Variants in CDH23 observed in about 807,000 individuals in gnomAD.
CDH23 encodes cadherin-23.
In CDH23, 189 loss-of-function variants were observed where a neutral mutation model predicts 317.1. That is an observed-to-expected ratio of 0.60 (90% confidence interval 0.53 to 0.67). The LOEUF is 0.67. Ranked by LOEUF, CDH23 falls within the 30% of genes least tolerant of loss-of-function variation. The pLI is 0.00. For synonymous variants in CDH23, 1,839 were observed against 1,876.8 expected (o/e 0.98, Z 0.52); for missense variants, 4,401 against 4,592.4 (o/e 0.96, Z 1.20).
chr10:71,694,390 G>T, intron 21 of CDH23, 131 bp downstream of exon 21: 1 of 693,994 alleles, frequency 1.4e-6, no homozygotes, highest in Non-Finnish European at 2.4e-6. Flanking sequence ...GGGCGAAAAT[G>T]AACCCATCAG....
At chr10:71,728,156 G>A (rs1200478891) in intron 30 of CDH23, among the ~76,000 whole-genome samples, 1 of 152,080 alleles carries the variant, frequency 6.6e-6, no homozygotes, top group Admixed American at 6.6e-5. Context: ...TCTGTTTACC[G>A]AAAAAGAGTT....
chr10:71,447,533 C>T (rs896033648), intron 3 of CDH23, among the ~76,000 whole-genome samples: 7 of 152,078 alleles, frequency 4.6e-5, no homozygotes, highest in African/African-American at 1.7e-4. Flanking sequence ...CCCCACGGCC[C>T]AGTAGCACTT....
At chr10:71,735,788 G>T (rs568883379) in intron 34 of CDH23, among the ~76,000 whole-genome samples, 6 of 152,334 alleles carry the variant, frequency 3.9e-5, no homozygotes, top group African/African-American at 1.4e-4. Context: ...CCCTCCATCC[G>T]TGGGGCCAGC....
intron 3 of CDH23, among the ~76,000 whole-genome samples, chr10:71,467,247 G>A (rs971967645): frequency 2.0e-5 from 3 of 152,144 alleles, no homozygotes; most frequent in Non-Finnish European, 2.9e-5. Context: ...AGACATAAAC[G>A]TGTGAACTTG....
intron 48 of CDH23, 35 bp downstream of exon 48, chr10:71,793,675 A>T (rs1225985468): frequency 1.4e-6 from 2 of 1,458,460 alleles, no homozygotes; most frequent in Non-Finnish European, 1.9e-6. Context: ...CCTCCCTCCC[A>T]GCTCCCAGTC....
At chr10:71,553,366 A>G (rs1856705126) in intron 6 of CDH23, among the ~76,000 whole-genome samples, 1 of 151,786 alleles carries the variant, frequency 6.6e-6, no homozygotes, top group African/African-American at 2.4e-5. Flanking sequence ...AACCTTCCCC[A>G]GCTCTGTCTG....
chr10:71,811,341 A>C lies in CDH23; in HGVS notation c.9104A>C (p.Lys3035Thr). Residue 3035 changes from lysine (K) to threonine (T), a missense_variant, in exon 63 of 70, where the codon AAG (lysine) becomes ACG (threonine). Coordinates refer to ENST00000224721, the MANE Select transcript of CDH23 (RefSeq NM_022124.6). ...GTGATCCAGATGATCGATGAGAACA[A>C]GGAGCAGCTACGGAATCTTTTCCGG... Reference protein sequence around the residue: ...DRVIQMIDENKEQLRNLFRNY... With the variant: ...DRVIQMIDENTEQLRNLFRNY... 1.2e-6 allele frequency: 2 copies of C among 1,613,894 alleles called. No homozygotes were observed. Among genetic ancestry groups the C allele is most frequent in the Non-Finnish European group, 1.7e-6 (2 of 1,179,868 alleles).
intron 1 of CDH23, among the ~76,000 whole-genome samples, chr10:71,420,461 A>G (rs1848722095): frequency 8.0e-6 from 1 of 125,338 alleles, no homozygotes; most frequent in Non-Finnish European, 1.7e-5. Flanking sequence ...GGTGATGATA[A>G]TGATGATGGT....
At chr10:71,454,170 C>T (rs1055198316) in intron 3 of CDH23, among the ~76,000 whole-genome samples, 4 of 152,182 alleles carry the variant, frequency 2.6e-5, no homozygotes, top group Admixed American at 6.5e-5. Flanking sequence ...CCCAGACTGC[C>T]TGGATGTGAA....
intron 14 of CDH23, among the ~76,000 whole-genome samples, chr10:71,658,479 G>A (rs1227787143): frequency 2.6e-5 from 4 of 152,192 alleles, no homozygotes; most frequent in Admixed American, 1.3e-4. Context: ...TGCCTGTCCC[G>A]CCTTTGAAGC....
chr10:71,580,807 G>A (rs752680837), intron 9 of CDH23, among the ~76,000 whole-genome samples: 5 of 152,018 alleles, frequency 3.3e-5, no homozygotes, highest in Non-Finnish European at 5.9e-5. Context: ...TCTTACCTAG[G>A]TAAGAAAGGT....
intron 6 of CDH23, among the ~76,000 whole-genome samples, chr10:71,521,483 AT>A (rs1854678433): frequency 6.6e-6 from 1 of 152,084 alleles, no homozygotes; most frequent in Non-Finnish European, 1.5e-5. Flanking sequence ...TGTTCCTGTC[AT>A]TCCTATCCCA....
At chr10:71,497,507 A>G (rs1348747163) in intron 3 of CDH23, among the ~76,000 whole-genome samples, 1 of 152,048 alleles carries the variant, frequency 6.6e-6, no homozygotes, top group Non-Finnish European at 1.5e-5. Context: ...CAGGGCAGAA[A>G]AAAAAAATAT....
chr10:71,697,493 A>AT, intron 22 of CDH23, among the ~76,000 whole-genome samples: 1 of 151,948 alleles, frequency 6.6e-6, no homozygotes, highest in Non-Finnish European at 1.5e-5. Context: ...ACATAGTAAG[A>AT]TCCCCACCCC....
Position 71,751,168 on chromosome 10 carries a change from C to T in CDH23, c.4845+9247C>T. 1 of 1,487,812 alleles carries T rather than the reference C, an allele frequency of 6.7e-7. No homozygotes were observed. Among genetic ancestry groups the T allele is most frequent in the Non-Finnish European group, 9.1e-7 (1 of 1,093,838 alleles). 92.2% of individuals were successfully genotyped at this position (1,487,812 alleles called of 1,614,324 possible). A position where few individuals can be genotyped will look rare whatever the true frequency, so the allele number is the denominator to read the frequency against. ...GGAGGGAGGGAACCAGGGCCGAGGC[C>T]AAGGAGGCCACTCACAGAGCCAGCC... On this transcript the variant is annotated intron_variant, in intron 38 of 69. Coordinates refer to ENST00000224721, the MANE Select transcript of CDH23 (RefSeq NM_022124.6). This position sits in a 1 kb window ranked among gnomAD's most constrained non-coding sequence, Gnocchi z 4.9.
intron 38 of CDH23, chr10:71,755,293 C>A: frequency 7.1e-7 from 1 of 1,417,046 alleles, no homozygotes; most frequent in Non-Finnish European, 9.7e-7. Flanking sequence ...ATCCCAGGGG[C>A]TGAACTGGGG....
At chr10:71,754,846 A>C (rs1446055852) in intron 38 of CDH23, among the ~76,000 whole-genome samples, 1 of 152,212 alleles carries the variant, frequency 6.6e-6, no homozygotes, top group Non-Finnish European at 1.5e-5. Context: ...CCACTTACTA[A>C]GTTACGTAAC....
intron 38 of CDH23, among the ~76,000 whole-genome samples, chr10:71,773,758 AATT>A (rs1305713264): frequency 6.6e-6 from 1 of 152,106 alleles, no homozygotes; most frequent in African/African-American, 2.4e-5. Context: ...TTTGGAGAGA[AATT>A]ATTATTGCTG....
chr10:71,660,499 C>T (rs964687487), intron 14 of CDH23, among the ~76,000 whole-genome samples: 2 of 152,062 alleles, frequency 1.3e-5, no homozygotes, highest in South Asian at 2.1e-4. Flanking sequence ...CCATCACATC[C>T]GTCTCTCAAG....
Sources: allele counts gnomAD v4.1 joint callset (sites outside exome capture counted in the v4.1 genomes callset), GRCh38; gene constraint gnomAD v4.1.1; non-coding constraint Gnocchi (gnomAD v3.1); transcripts MANE v1.5; gene names NCBI Gene and HGNC (gene_info 2026-07-23, HGNC 2026-07-21).